ITGA9: variants seen among roughly 807,000 people sequenced by gnomAD.
The protein encoded by ITGA9 is integrin subunit alpha 9, also known as integrin alpha-9.
A neutral mutation model predicts 127.8 loss-of-function variants in ITGA9; 56 were observed. The ratio of observed to expected loss-of-function variants is 0.44; its 90% confidence interval spans 0.35 to 0.55. ITGA9 has a LOEUF of 0.55. ITGA9 is among the 20% of genes least tolerant of loss of function. ITGA9 has a pLI of 0.00. For synonymous variants in ITGA9, 508 were observed against 514.5 expected, an observed-to-expected ratio of 0.99 and a Z score of 0.17; for missense variants, 1,196 against 1,347.1, an observed-to-expected ratio of 0.89 and a Z score of 1.76.
chr3:37,471,200 C>G (rs1698427778), intron 2 of ITGA9, 66 bp downstream of exon 2: 1 of 1,575,674 alleles, frequency 6.3e-7, no homozygotes, highest in Admixed American at 1.7e-5. Context: ...CTTCTTCTTC[C>G]CAGGATGGCC....
chr3:37,777,369 G>T, intron 23 of ITGA9, 23 bp from the exon 24 acceptor site: 1 of 1,613,954 alleles, frequency 6.2e-7, no homozygotes, highest in Non-Finnish European at 8.5e-7. Context: ...TGACTCCTCT[G>T]ACAGGCCTCT....
intron 8 of ITGA9, among the ~76,000 whole-genome samples, chr3:37,512,048 CTTTCTTTCT>C (rs1698920652): frequency 2.6e-5 from 1 of 39,008 alleles, no homozygotes; most frequent in Non-Finnish European, 5.7e-5. Context: ...TTCTTTCTTT[CTTTCTTTCT>C]TTCTTTCTTT....
chr3:37,507,539 A>G (rs1698858303), intron 7 of ITGA9, among the ~76,000 whole-genome samples: 1 of 152,148 alleles, frequency 6.6e-6, no homozygotes, highest in African/African-American at 2.4e-5. Flanking sequence ...TGGGGGGTGC[A>G]AGGTATAAAG....
intron 1 of ITGA9, among the ~76,000 whole-genome samples, chr3:37,457,089 G>GA (rs1203055116): frequency 3.3e-5 from 5 of 152,006 alleles, no homozygotes; most frequent in South Asian, 2.1e-4. Context: ...AAAAGAAAAA[G>GA]AAAAAAAATC....
In ITGA9 at chr3:37,806,009, A is replaced by G. The variant is rs1352471636; in HGVS notation, c.3009+2067A>G. The stretch of plus-strand genomic sequence containing the variant: ...TTACTATTGCAGATTGCCCTGTAGA[A>G]AGGTCATACCAATTCACCCTCCCAC... On this transcript the variant is annotated intron_variant, in intron 27 of 27. Transcript: ENST00000264741. This position sits in a 1 kb window ranked among gnomAD's most constrained non-coding sequence, Gnocchi z 4.3. The G allele has an allele frequency of 1.3e-5, 2 of 152,154 alleles. No individual in the cohort carries two copies. Among genetic ancestry groups the G allele is most frequent in the Admixed American group, 6.5e-5 (1 of 15,268 alleles). 9.4% of individuals were successfully genotyped at this position (152,154 alleles called of 1,614,324 possible).
intron 1 of ITGA9, among the ~76,000 whole-genome samples, 167 bp from the exon 2 acceptor site, chr3:37,470,840 G>T (rs1431806914): frequency 2.0e-5 from 3 of 152,120 alleles, no homozygotes; most frequent in Non-Finnish European, 4.4e-5. Flanking sequence ...AGATCTAACA[G>T]GTTTCACTTT....
intron 13 of ITGA9, among the ~76,000 whole-genome samples, chr3:37,529,999 A>G (rs1699132235): frequency 6.6e-6 from 1 of 151,960 alleles, no homozygotes; most frequent in Non-Finnish European, 1.5e-5. Flanking sequence ...TCAGTTTGGG[A>G]TGTGGATGAG....
chr3:37,760,716 T>C (rs554292242), intron 23 of ITGA9, among the ~76,000 whole-genome samples: 74 of 152,282 alleles, frequency 4.9e-4, no homozygotes, highest in African/African-American at 1.6e-3. Flanking sequence ...AAAAAATATT[T>C]GCAGAACTGA....
At chr3:37,610,093 C>T (rs191016207) in intron 15 of ITGA9, among the ~76,000 whole-genome samples, 61 of 151,906 alleles carry the variant, frequency 4.0e-4, no homozygotes, top group African/African-American at 1.3e-3. Context: ...GGCTGGGGGA[C>T]GGGGAGGGAT....
chr3:37,702,692 C>G (rs1700960583), intron 18 of ITGA9, among the ~76,000 whole-genome samples: 1 of 152,072 alleles, frequency 6.6e-6, no homozygotes, highest in African/African-American at 2.4e-5. Context: ...GGAGACCTCA[C>G]GGTACAGTCA....
intron 15 of ITGA9, among the ~76,000 whole-genome samples, chr3:37,583,820 A>G (rs116550641): frequency 8.0e-4 from 122 of 152,360 alleles, no homozygotes; most frequent in African/African-American, 2.7e-3. Context: ...TCAAGCATCC[A>G]TTCCTCTGAG....
intron 4 of ITGA9, among the ~76,000 whole-genome samples, chr3:37,486,376 G>A (rs1160283955): frequency 6.6e-6 from 1 of 152,146 alleles, no homozygotes; most frequent in African/African-American, 2.4e-5. Context: ...CCTACTTTCT[G>A]ACTTAGTGAC....
chr3:37,813,782 A>G (rs901705460), intron 27 of ITGA9, among the ~76,000 whole-genome samples: 1 of 152,302 alleles, frequency 6.6e-6, no homozygotes, highest in Admixed American at 6.5e-5. Flanking sequence ...GCAAGTCCTC[A>G]ATTCTGACAC....
rs373316657 is a variant in ITGA9, at chr3:37,723,430, G to A, written c.2068-9282G>A. Among the ~76,000 whole-genome samples the A allele has an allele frequency of 2.6e-5, 4 of 152,076 alleles. No homozygotes were observed. The East Asian group carries it at 5.8e-4, about 22-fold the overall frequency. On this transcript the variant is annotated intron_variant, in intron 18 of 27. Transcript: ENST00000264741. ...GGATGAAATGCAGTAGTGCGATCTC[G>A]GCTCACTGCAATCTCCGCCTGCTGG...
intron 15 of ITGA9, among the ~76,000 whole-genome samples, chr3:37,548,948 G>A (rs548493185): frequency 6.6e-6 from 1 of 152,350 alleles, no homozygotes; most frequent in South Asian, 2.1e-4. Context: ...GGAAGGTTGG[G>A]ATGCATAGAA....
At chr3:37,720,373 T>C (rs998047927) in intron 18 of ITGA9, among the ~76,000 whole-genome samples, 13 of 152,180 alleles carry the variant, frequency 8.5e-5, no homozygotes, top group African/African-American at 3.1e-4. Flanking sequence ...TTAAATTCTT[T>C]CCTATCATTT....
chr3:37,494,658 T>C, intron 5 of ITGA9, 90 bp downstream of exon 5: 3 of 1,013,016 alleles, frequency 3.0e-6, no homozygotes, highest in Non-Finnish European at 3.1e-6. Context: ...AGGTGGGACT[T>C]CTGGAGTCCC....
chr3:37,614,132 A>G (rs961756259), intron 15 of ITGA9, among the ~76,000 whole-genome samples: 3 of 151,902 alleles, frequency 2.0e-5, no homozygotes, highest in African/African-American at 7.3e-5. Flanking sequence ...ATCTTGAATT[A>G]ATTTTTGTAT....
At chr3:37,531,076 A>AG (rs1699146964) in intron 13 of ITGA9, among the ~76,000 whole-genome samples, 2 of 151,970 alleles carry the variant, frequency 1.3e-5, no homozygotes, top group African/African-American at 4.8e-5. Context: ...AGAAAAAAAA[A>AG]GCACTGAAAG....
Sources: gnomAD v4.1 joint callset for allele counts (sites outside exome capture counted in the v4.1 genomes callset) on GRCh38, gnomAD v4.1.1 for gene constraint, Gnocchi (gnomAD v3.1) non-coding constraint, MANE v1.5 for transcripts, NCBI Gene and HGNC (gene_info 2026-07-23, HGNC 2026-07-21) for gene names.